The following APTX variants were observed in gnomAD, a reference collection of about 807,000 sequenced individuals.
APTX encodes forkhead-associated domain histidine triad-like protein.
APTX carries 33 observed loss-of-function variants against 42.3 expected under a neutral mutation model. The observed-to-expected ratio is 0.78, with a 90% CI of 0.59 to 1.04. The LOEUF (loss-of-function observed/expected upper bound fraction) is 1.04, where lower values mean the gene tolerates loss of function less well. Among genes scored for constraint, APTX ranks in the 50% least tolerant of loss-of-function variants. The probability of loss-of-function intolerance (pLI) is 0.00; values close to 1 mark genes in which losing one functional copy is unlikely to be tolerated. For missense variants in APTX, 421 were observed against 415.1 expected (o/e 1.01, Z -0.12); for synonymous variants, 130 against 146.7 (o/e 0.89, Z 0.82).
chr9:33,015,212 A>G (rs1837808600), intron 1 of APTX, among the ~76,000 whole-genome samples: 1 of 152,214 alleles, frequency 6.6e-6, no homozygotes, highest in Non-Finnish European at 1.5e-5. Context: ...CATTGCCTTC[A>G]ATGTTTATAA....
At chr9:33,019,339 A>T (rs1421240485) in intron 1 of APTX, among the ~76,000 whole-genome samples, 1 of 152,184 alleles carries the variant, frequency 6.6e-6, no homozygotes, top group Non-Finnish European at 1.5e-5. Flanking sequence ...TGCTACTCAA[A>T]AAATAAATAA....
chr9:32,973,759 G>A, intron 7 of APTX, 107 bp from the exon 8 acceptor site: 1 of 1,432,292 alleles, frequency 7.0e-7, no homozygotes, highest in South Asian at 1.1e-5. Context: ...CAGTATGCCA[G>A]GCCAGGTATT....
intron 1 of APTX, among the ~76,000 whole-genome samples, chr9:33,018,244 G>A (rs923289868): frequency 2.0e-5 from 3 of 150,882 alleles, no homozygotes; most frequent in Non-Finnish European, 4.4e-5. Flanking sequence ...CCGAGTAGCT[G>A]GGACTACAGG....
intron 1 of APTX, among the ~76,000 whole-genome samples, chr9:33,000,664 GA>G (rs1205225880): frequency 5.1e-5 from 7 of 137,268 alleles, no homozygotes; most frequent in South Asian, 2.4e-4. Flanking sequence ...AAAAGAAAAA[GA>G]AAAAAAGAAA....
intron 1 of APTX, among the ~76,000 whole-genome samples, chr9:33,000,364 C>A (rs1386110414): frequency 6.6e-6 from 1 of 152,170 alleles, no homozygotes; most frequent in African/African-American, 2.4e-5. Flanking sequence ...CAGTGGCTCA[C>A]GCCTGTAATC....
chr9:33,013,910 G>T (rs1259128607), intron 1 of APTX, among the ~76,000 whole-genome samples: 1 of 152,222 alleles, frequency 6.6e-6, no homozygotes, highest in Non-Finnish European at 1.5e-5. Context: ...CCACCAGGAA[G>T]AAAGACTTTT....
chr9:33,007,110 A>T lies in APTX; in HGVS notation c.-4-17215T>A, dbSNP rs1837215258. Among the ~76,000 whole-genome samples, 5 of 151,968 alleles carry T rather than the reference A, an allele frequency of 3.3e-5. No individual in the cohort carries two copies. The South Asian group carries it at 1.0e-3, about 32-fold the overall frequency. On this transcript the variant is annotated intron_variant, in intron 1 of 6. Coordinates refer to the APTX transcript ENST00000436040. ...ACAGAAAGGAAACAAACACATGAAGACTTGATGGAAAAATATTCTAGGTCT... is the reference window on the plus strand; with the variant it reads ...ACAGAAAGGAAACAAACACATGAAGTCTTGATGGAAAAATATTCTAGGTCT...
At chr9:32,999,704 G>A (rs1286637808) in intron 1 of APTX, among the ~76,000 whole-genome samples, 1 of 152,224 alleles carries the variant, frequency 6.6e-6, no homozygotes, top group Non-Finnish European at 1.5e-5. Flanking sequence ...GGCCGGGTGC[G>A]GTGGCTCACG....
chr9:32,979,239 T>G (rs1187300432), intron 6 of APTX, among the ~76,000 whole-genome samples: 1 of 152,158 alleles, frequency 6.6e-6, no homozygotes, highest in Non-Finnish European at 1.5e-5. Context: ...CCCTGCTTTG[T>G]GTCCATGTGT....
intron 1 of APTX, among the ~76,000 whole-genome samples, chr9:33,000,617 C>T (rs1303643582): frequency 1.9e-5 from 2 of 103,840 alleles, no homozygotes; most frequent in East Asian, 5.9e-4. Flanking sequence ...CAGAGTGAGA[C>T]TCTGTCTCAA....
chr9:33,000,625 C>CAAAAAAAA (rs60760701), intron 1 of APTX, among the ~76,000 whole-genome samples: 60 of 63,416 alleles, frequency 9.5e-4, no homozygotes, highest in Non-Finnish European at 1.2e-3. Context: ...GACTCTGTCT[C>CAAAAAAAA]AAAAAAAAAA....
intron 1 of APTX, among the ~76,000 whole-genome samples, chr9:32,998,013 C>T (rs1280671975): frequency 6.6e-6 from 1 of 152,080 alleles, no homozygotes; most frequent in East Asian, 1.9e-4. Flanking sequence ...AAAAGGACAA[C>T]AGTAGAGATG....
chr9:32,990,331 C>T (rs1833292436), intron 1 of APTX, among the ~76,000 whole-genome samples: 1 of 152,066 alleles, frequency 6.6e-6, no homozygotes, highest in Admixed American at 6.5e-5. Context: ...CGCCACCACA[C>T]CTGGCTAATT....
At chr9:32,977,422 C>T (rs376593901) in intron 6 of APTX, among the ~76,000 whole-genome samples, 2 of 151,988 alleles carry the variant, frequency 1.3e-5, no homozygotes, top group East Asian at 1.9e-4. Flanking sequence ...AGTTCAAGGC[C>T]GCAGTGAGCT....
At chr9:33,012,297 A>T (rs57321720) in intron 1 of APTX, among the ~76,000 whole-genome samples, 6,578 of 152,244 alleles carry the variant, frequency 0.043, 418 homozygotes, top group African/African-American at 0.15. Context: ...TTAAAGAAAA[A>T]AAAAGAACGC....
intron 1 of APTX, chr9:33,024,669 A>C (rs1319541955): frequency 6.6e-6 from 1 of 152,158 alleles, no homozygotes; most frequent in Non-Finnish European, 1.5e-5. Context: ...AGGGCAGATA[A>C]CATGTGTCTA....
intron 6 of APTX, 39 bp from the exon 7 acceptor site, chr9:32,974,600 A>C (rs1171188975): frequency 9.0e-7 from 1 of 1,109,978 alleles, no homozygotes; most frequent in Non-Finnish European, 1.4e-6. Context: ...TAAACTCTTT[A>C]ACAACTATGG....
chr9:32,996,452 T>C (rs895095563), intron 1 of APTX, among the ~76,000 whole-genome samples: 1 of 152,034 alleles, frequency 6.6e-6, no homozygotes, highest in Non-Finnish European at 1.5e-5. Context: ...ATTTATTTTA[T>C]TTTGAGATGG....
chr9:32,987,627 C>T lies in APTX; in HGVS notation c.400G>A (p.Ala134Thr), dbSNP rs1234900829. 2.5e-6 allele frequency: 4 copies of T among 1,614,120 alleles called. No homozygotes were observed. The highest frequency in any genetic ancestry group is 2.7e-5 in the African/African-American group (2 of 74,942). ...CTCCCAGGTTCCAGCCCTGTCCCAG[C>T]CTCAGCTTCCTGAGCAGCATCCCTT... is the stretch of plus-strand genomic sequence containing the variant. ...IERDAAQEAEAGTGLEPGSNS... is the reference protein window; with the variant it reads ...IERDAAQEAETGTGLEPGSNS... Residue 134 changes from alanine (A) to threonine (T), a missense_variant, in exon 4 of 8, where the codon GCT becomes ACT. Coordinates refer to ENST00000379817, the MANE Select transcript of APTX (RefSeq NM_001195248.2).
Sources: gnomAD v4.1 joint callset for allele counts (sites outside exome capture counted in the v4.1 genomes callset) on GRCh38, gnomAD v4.1.1 for gene constraint, MANE v1.5 for transcripts, NCBI Gene and HGNC (gene_info 2026-07-23, HGNC 2026-07-21) for gene names.